The following SDK1 variants were observed in gnomAD, a reference collection of about 807,000 sequenced individuals.
SDK1 encodes the protein protein sidekick-1.
SDK1 carries 157 observed loss-of-function variants against 245.5 expected under a neutral mutation model. The ratio of observed to expected loss-of-function variants is 0.64; its 90% CI spans 0.56 to 0.73. The LOEUF is 0.73. Ranked by LOEUF, SDK1 falls within the 30% of genes least tolerant of loss-of-function variation. The probability of loss-of-function intolerance (pLI) is 0.00; values close to 1 mark genes in which losing one functional copy is unlikely to be tolerated. For missense variants in SDK1, 3,583 were observed against 3,002.3 expected, an observed-to-expected ratio of 1.19 and a Z score of -4.52; for synonymous variants, 1,647 against 1,278.5, an observed-to-expected ratio of 1.29 and a Z score of -6.15.
chr7:3,406,848 C>T (rs867013451), intron 1 of SDK1, among the ~76,000 whole-genome samples: 7 of 152,066 alleles, frequency 4.6e-5, no homozygotes, highest in African/African-American at 9.7e-5. Flanking sequence ...TTAATTGAAT[C>T]GAGGAGTTTC....
chr7:4,104,864 G>T (rs562863446), intron 22 of SDK1, among the ~76,000 whole-genome samples: 3 of 150,600 alleles, frequency 2.0e-5, no homozygotes, highest in South Asian at 2.1e-4. Context: ...ACCATGCCTG[G>T]CTAATTTTTT....
chr7:3,478,446 A>G (rs1414958542), intron 1 of SDK1, among the ~76,000 whole-genome samples: 5 of 152,064 alleles, frequency 3.3e-5, no homozygotes, highest in African/African-American at 9.7e-5. Context: ...AACTATGGTA[A>G]TTATTAGAAA....
chr7:3,905,694 C>G (rs1778882753), intron 5 of SDK1, among the ~76,000 whole-genome samples: 1 of 152,004 alleles, frequency 6.6e-6, no homozygotes, highest in Admixed American at 6.6e-5. Flanking sequence ...GGCACAATCA[C>G]TCACTGTAAC....
rs554505919 is a variant in SDK1, at chr7:4,235,218, G to A, written c.5992+1799G>A. The stretch of plus-strand genomic sequence containing the variant: ...CTCACTCTGTTGCCCAGGCTGGAGT[G>A]CAGTGGCGTGATCTTAGCTCACTGC... On this transcript the variant is annotated intron_variant, in intron 41 of 44. Transcript: ENST00000404826. Among the ~76,000 whole-genome samples, 8 of 150,762 alleles carry A rather than the reference G, an allele frequency of 5.3e-5. No individual in the cohort carries two copies. The South Asian group carries it at 1.7e-3, about 31-fold the overall frequency.
intron 22 of SDK1, among the ~76,000 whole-genome samples, chr7:4,108,096 C>G (rs1256988092): frequency 6.6e-6 from 1 of 152,186 alleles, no homozygotes; most frequent in African/African-American, 2.4e-5. Context: ...GTGAGCTCCT[C>G]TGAGATCCCC....
intron 4 of SDK1, among the ~76,000 whole-genome samples, chr7:3,656,448 G>C (rs2128657774): frequency 6.6e-6 from 1 of 152,318 alleles, no homozygotes; most frequent in Non-Finnish European, 1.5e-5. Context: ...TCTTCTGGAA[G>C]TCACTCCCGA....
chr7:3,451,346 G>C (rs1479783481), intron 1 of SDK1, among the ~76,000 whole-genome samples: 6 of 152,120 alleles, frequency 3.9e-5, no homozygotes, highest in African/African-American at 1.4e-4. Flanking sequence ...GCACAGGCAA[G>C]TTTGAGGTAG....
At chr7:4,011,250 A>T in intron 15 of SDK1, 137 bp downstream of exon 15, 1 of 1,130,748 alleles carries the variant, frequency 8.8e-7, no homozygotes, top group East Asian at 2.6e-5. Flanking sequence ...AACCGTGAGC[A>T]GAAAAGCCTG....
chr7:3,383,812 C>A (rs1012867778), intron 1 of SDK1, among the ~76,000 whole-genome samples: 12 of 152,156 alleles, frequency 7.9e-5, no homozygotes, highest in Non-Finnish European at 1.5e-4. Context: ...CTAGAGTAGT[C>A]CTTTCACAAA....
At chr7:3,523,813 C>G (rs1248500023) in intron 1 of SDK1, among the ~76,000 whole-genome samples, 3 of 152,186 alleles carry the variant, frequency 2.0e-5, no homozygotes, top group Non-Finnish European at 2.9e-5. Context: ...CCAATTTAGT[C>G]TCTTTGTTCT....
chr7:3,455,778 T>C (rs1780647597), intron 1 of SDK1, among the ~76,000 whole-genome samples: 1 of 152,226 alleles, frequency 6.6e-6, no homozygotes, highest in Non-Finnish European at 1.5e-5. Context: ...CCTTTTCATA[T>C]AAATTTTTAA....
intron 14 of SDK1, among the ~76,000 whole-genome samples, chr7:3,996,293 C>T (rs1266630720): frequency 6.6e-6 from 1 of 152,134 alleles, no homozygotes. Context: ...AATTGCTTTA[C>T]TTCCAAAAGG....
intron 5 of SDK1, among the ~76,000 whole-genome samples, chr7:3,823,753 C>A (rs577135249): frequency 1.4e-4 from 21 of 152,214 alleles, no homozygotes; most frequent in African/African-American, 5.1e-4. Flanking sequence ...ATGATATGGA[C>A]TTATTTTAAA....
At chr7:3,794,110 A>G (rs1307905362) in intron 4 of SDK1, among the ~76,000 whole-genome samples, 1 of 152,122 alleles carries the variant, frequency 6.6e-6, no homozygotes, top group Non-Finnish European at 1.5e-5. Context: ...ACGTTTTATG[A>G]TTTTACCTTT....
chr7:4,070,635 A>G (rs770103778), intron 20 of SDK1, among the ~76,000 whole-genome samples: 82 of 152,050 alleles, frequency 5.4e-4, no homozygotes, highest in Non-Finnish European at 8.8e-4. Flanking sequence ...CATCTGTGCC[A>G]ACCAGATCCC....
chr7:3,468,627 T>C (rs1249305153), intron 1 of SDK1, among the ~76,000 whole-genome samples: 2 of 144,112 alleles, frequency 1.4e-5, no homozygotes, highest in African/African-American at 5.7e-5. Context: ...TCCTCCCTTA[T>C]ACCCAGAAGG....
intron 1 of SDK1, among the ~76,000 whole-genome samples, chr7:3,411,447 G>A (rs1208429157): frequency 6.6e-6 from 1 of 152,106 alleles, no homozygotes; most frequent in African/African-American, 2.4e-5. Flanking sequence ...CTGAAATTTG[G>A]GGTGTAGATT....
chr7:3,602,289 C>A (rs1371534496), intron 1 of SDK1, among the ~76,000 whole-genome samples: 3 of 151,130 alleles, frequency 2.0e-5, no homozygotes, highest in Non-Finnish European at 3.0e-5. Flanking sequence ...TTTACAGTCC[C>A]ACCAACAGTG....
intron 1 of SDK1, among the ~76,000 whole-genome samples, chr7:3,569,278 A>G (rs1780030736): frequency 6.6e-6 from 1 of 152,236 alleles, no homozygotes; most frequent in South Asian, 2.1e-4. Flanking sequence ...AGGCAGATAG[A>G]CAAATGCTGA....
Sources: allele counts gnomAD v4.1 joint callset (sites outside exome capture counted in the v4.1 genomes callset), GRCh38; gene constraint gnomAD v4.1.1; transcripts MANE v1.5; gene names NCBI Gene and HGNC (gene_info 2026-07-23, HGNC 2026-07-21).